PTPDC1: variants seen among roughly 807,000 people sequenced by gnomAD.
PTPDC1 encodes the protein protein tyrosine phosphatase domain containing 1.
PTPDC1 carries 53 observed loss-of-function variants against 75.3 expected under a neutral mutation model. The ratio of observed to expected loss-of-function variants is 0.70; its 90% CI spans 0.56 to 0.88. PTPDC1 has a LOEUF of 0.88. PTPDC1 is among the 40% of genes least tolerant of loss of function. PTPDC1 has a pLI of 0.00. For missense variants in PTPDC1, 925 were observed against 998.6 expected (o/e 0.93, Z 0.99); for synonymous variants, 349 against 366.2 (o/e 0.95, Z 0.54).
At chr9:94,044,845 T>A (rs1364398423) in intron 1 of PTPDC1, among the ~76,000 whole-genome samples, 2 of 151,994 alleles carry the variant, frequency 1.3e-5, no homozygotes, top group East Asian at 3.9e-4. Context: ...AGTCTCTCAC[T>A]ATTTTTTTTC....
intron 1 of PTPDC1, chr9:94,031,197 T>A (rs561192636): frequency 6.6e-6 from 1 of 152,292 alleles, no homozygotes. Context: ...TTTAAACGTC[T>A]AGATATTAAG....
chr9:94,079,504 C>T (rs1393662906), upstream of PTPDC1, among the ~76,000 whole-genome samples: 3 of 152,158 alleles, frequency 2.0e-5, no homozygotes, highest in Non-Finnish European at 4.4e-5. Flanking sequence ...GAGGTTTGAT[C>T]ATGCTCCATG....
chr9:94,035,001 T>C (rs1032838364), intron 1 of PTPDC1, among the ~76,000 whole-genome samples: 2 of 152,238 alleles, frequency 1.3e-5, no homozygotes, highest in African/African-American at 4.8e-5. Flanking sequence ...ATGATTCATT[T>C]AGAATCATGC....
chr9:94,105,879 A>G (rs1415363633), intron 8 of PTPDC1, among the ~76,000 whole-genome samples: 3 of 148,676 alleles, frequency 2.0e-5, no homozygotes, highest in Non-Finnish European at 3.0e-5. Context: ...AGGCTGAGGC[A>G]GGAGAATGGT....
At position 94,097,866 on chromosome 9, in the gene PTPDC1, T is replaced by C; in HGVS notation, c.1300T>C (p.Cys434Arg). The change falls in exon 6 of 9, where the codon TGC becomes CGC. Residue 434 changes from cysteine (C) to arginine (R), a missense_variant. Cys to Arg is a radical substitution (Grantham distance 180). Transcript: ENST00000620992. ...DPLWKRRNVECLQPLTHLKRR... is the reference protein window; with the variant it reads ...DPLWKRRNVERLQPLTHLKRR... ...TCTTTGGAAAAGGCGGAATGTTGAG[T>C]GCCTTCAACCCCTGACTCATCTGAA... 1 of 1,614,142 alleles carries C rather than the reference T, an allele frequency of 6.2e-7. No individual in the cohort carries two copies. The highest frequency in any genetic ancestry group is 1.3e-5 in the African/African-American group (1 of 75,022).
rs1825333021 is a variant in PTPDC1, at chr9:94,038,289, A to G, written c.-7+7162A>G. On this transcript the variant is annotated intron_variant, in intron 1 of 9. Coordinates refer to the PTPDC1 transcript ENST00000375360. ...ACAAAAATGATCTTTGCTGGCATTA[A>G]GAAGAAGGCAGAAAGAAAAATGATA... 1.7e-5 allele frequency: 13 copies of G among 748,596 alleles called. No homozygotes were observed. In the Admixed American group the frequency reaches 2.1e-4, roughly 12 times the overall value. 46.4% of individuals were successfully genotyped at this position (748,596 alleles called of 1,614,324 possible).
At chr9:94,047,626 G>C (rs1379341780) in intron 1 of PTPDC1, among the ~76,000 whole-genome samples, 4 of 152,134 alleles carry the variant, frequency 2.6e-5, no homozygotes, top group African/African-American at 9.7e-5. Flanking sequence ...AATGAATCCA[G>C]GAGCTGGTTT....
intron 1 of PTPDC1, among the ~76,000 whole-genome samples, chr9:94,046,307 G>A (rs1825597401): frequency 6.6e-6 from 1 of 152,074 alleles, no homozygotes; most frequent in African/African-American, 2.4e-5. Flanking sequence ...CTTTTGGCTT[G>A]GGATTGACTT....
At chr9:94,053,598 T>C (rs1200052812) in intron 1 of PTPDC1, among the ~76,000 whole-genome samples, 2 of 152,106 alleles carry the variant, frequency 1.3e-5, no homozygotes, top group Non-Finnish European at 2.9e-5. Context: ...ATGAGGGATG[T>C]GGGTAAAATA....
At chr9:94,101,400 C>T (rs1228548198) in intron 6 of PTPDC1, 166 bp from the exon 7 acceptor site, 2 of 508,462 alleles carry the variant, frequency 3.9e-6, no homozygotes, top group South Asian at 3.4e-5. Context: ...GTCCAGTGTC[C>T]AGCCTGGAAG....
Position 94,075,205 on chromosome 9 carries a change from T to C in PTPDC1, c.83-10046T>C, listed in dbSNP as rs78155627. Among the ~76,000 whole-genome samples the C allele has an allele frequency of 4.4e-3, 664 of 152,194 alleles. 5 individuals carry two copies. Among genetic ancestry groups the C allele is most frequent in the African/African-American group, 0.015 (613 of 41,546 alleles). On this transcript the variant is annotated intron_variant, in intron 2 of 9. Transcript: ENST00000375360. ...TCAGAGTGCCACCTGCTTCTTCCAATTGGGGTATGGAAAATTAGCTCCCTG... is the reference window on the plus strand; with the variant it reads ...TCAGAGTGCCACCTGCTTCTTCCAACTGGGGTATGGAAAATTAGCTCCCTG...
chr9:94,065,862 T>C (rs954139384), intron 2 of PTPDC1, among the ~76,000 whole-genome samples: 3 of 152,188 alleles, frequency 2.0e-5, no homozygotes, highest in Non-Finnish European at 4.4e-5. Flanking sequence ...TGATGTCTAG[T>C]GGCTGCTTCC....
intron 2 of PTPDC1, chr9:94,064,897 C>A: frequency 1.9e-6 from 2 of 1,063,106 alleles, no homozygotes; most frequent in Admixed American, 2.1e-5. Context: ...TGAATGGACA[C>A]AAAAGAAAAG....
At position 94,101,609 on chromosome 9, in the gene PTPDC1, G is replaced by A; in HGVS notation, c.2057G>A (p.Gly686Asp). 1.9e-6 allele frequency: 3 copies of A among 1,613,504 alleles called. No individual in the cohort carries two copies. The highest frequency in any genetic ancestry group is 2.7e-5 in the African/African-American group (2 of 74,992). The change falls in exon 7 of 9, where the codon GGC becomes GAC. Residue 686 changes from glycine to aspartate, a missense_variant. Physicochemically the swap from Gly to Asp is moderately conservative, Grantham distance 94. Transcript: ENST00000620992. ...GATGGAGCTTGGGAAAGAATATGTG[G>A]CGAGAGGGACCCTTTCATCCTATGC... ...SRDGAWERIC[G>D]ERDPFILCSL...
chr9:94,051,775 T>C (rs143084274), intron 1 of PTPDC1, among the ~76,000 whole-genome samples: 96 of 152,284 alleles, frequency 6.3e-4, no homozygotes, highest in African/African-American at 1.8e-3. Context: ...TAGTATTCCT[T>C]TATTATCTTT....
At chr9:94,075,080 A>G (rs915028215) in intron 2 of PTPDC1, among the ~76,000 whole-genome samples, 2 of 152,170 alleles carry the variant, frequency 1.3e-5, no homozygotes, top group African/African-American at 4.8e-5. Context: ...ATAGACCCCA[A>G]TGACACCACC....
intron 8 of PTPDC1, among the ~76,000 whole-genome samples, chr9:94,107,377 G>A (rs968186160): frequency 1.3e-5 from 2 of 152,250 alleles, no homozygotes; most frequent in Non-Finnish European, 2.9e-5. Context: ...TTGGGTATGA[G>A]ATGAGGACAT....
At chr9:94,048,858 C>T (rs1346868308) in intron 1 of PTPDC1, among the ~76,000 whole-genome samples, 1 of 152,158 alleles carries the variant, frequency 6.6e-6, no homozygotes, top group Non-Finnish European at 1.5e-5. Flanking sequence ...TTGTAGTTCT[C>T]TAAGGACTTG....
At chr9:94,096,188 C>G (rs1191820515) in intron 5 of PTPDC1, among the ~76,000 whole-genome samples, 2 of 152,224 alleles carry the variant, frequency 1.3e-5, no homozygotes, top group Non-Finnish European at 2.9e-5. Context: ...CAACCACATG[C>G]AGCTCAGCTC....
Sources: gnomAD v4.1 joint callset for allele counts (sites outside exome capture counted in the v4.1 genomes callset) on GRCh38, gnomAD v4.1.1 for gene constraint, MANE v1.5 for transcripts, NCBI Gene and HGNC (gene_info 2026-07-23, HGNC 2026-07-21) for gene names.